ZFHX3: variants seen among roughly 807,000 people sequenced by gnomAD.
ZFHX3 encodes the protein zinc finger homeobox protein 3.
A neutral mutation model predicts 279.1 loss-of-function variants in ZFHX3; 42 were observed. That is an observed-to-expected ratio of 0.15 (90% CI 0.12 to 0.19). ZFHX3 has a LOEUF of 0.19. ZFHX3 is among the 10% of genes least tolerant of loss of function. ZFHX3 has a pLI of 1.00. For missense variants in ZFHX3, 4,981 were observed against 4,754.0 expected, an observed-to-expected ratio of 1.05 and a Z score of -1.40; for synonymous variants, 2,293 against 1,957.8, an observed-to-expected ratio of 1.17 and a Z score of -4.52.
At chr16:72,877,722 G>T (rs1474822222) in intron 4 of ZFHX3, among the ~76,000 whole-genome samples, 1 of 152,216 alleles carries the variant, frequency 6.6e-6, no homozygotes. Context: ...GCCCCAAAGA[G>T]CTATGTTGAT....
intron 2 of ZFHX3, chr16:73,610,212 A>C (rs1192795373): frequency 6.6e-6 from 1 of 151,972 alleles, no homozygotes; most frequent in African/African-American, 2.4e-5. Context: ...AGGAAAAAAA[A>C]ATAGCGATTC....
At chr16:73,420,054 GCACCA>G (rs1259792427) in intron 3 of ZFHX3, 1 of 151,844 alleles carries the variant, frequency 6.6e-6, no homozygotes, top group African/African-American at 2.4e-5. Flanking sequence ...CTAAAGGCAT[GCACCA>G]CTACTCCTGG....
At position 73,754,027 on chromosome 16, in the gene ZFHX3, T is replaced by C. The variant is rs556721994; in HGVS notation, c.-1607-73787A>G. 1.9e-4 allele frequency among the ~76,000 whole-genome samples: 23 copies of C among 124,258 alleles called. 1 individual carries two copies. In the South Asian group the frequency reaches 5.5e-3, roughly 30 times the overall value. The allele number at this position is 124,258 out of a possible 152,430, so 81.5% of individuals were successfully genotyped here. ...GTGTGTAAAATCTGATTCAATTTTA[T>C]ACTTTCTTGGACTGCCTCCCAAATG... On this transcript the variant is annotated intron_variant, in intron 1 of 17. Transcript: ENST00000641206.
chr16:73,664,085 A>AT (rs1298283026), intron 2 of ZFHX3, among the ~76,000 whole-genome samples: 1 of 152,346 alleles, frequency 6.6e-6, no homozygotes, highest in African/African-American at 2.4e-5. Flanking sequence ...AGGGAATGTC[A>AT]TTTTTAAAAA....
chr16:72,848,629 C>T (rs2037535435), intron 4 of ZFHX3, among the ~76,000 whole-genome samples: 2 of 151,114 alleles, frequency 1.3e-5, no homozygotes, highest in Non-Finnish European at 2.9e-5. Context: ...GCGGCCATCA[C>T]CCTGTGCCCC....
intron 3 of ZFHX3, among the ~76,000 whole-genome samples, chr16:73,410,150 T>A (rs1389117702): frequency 2.0e-5 from 3 of 152,186 alleles, no homozygotes; most frequent in African/African-American, 7.2e-5. Context: ...GCATGGTGGC[T>A]CACACCTGTA....
intron 2 of ZFHX3, among the ~76,000 whole-genome samples, chr16:73,662,619 A>C (rs538696716): frequency 6.6e-6 from 1 of 152,330 alleles, no homozygotes; most frequent in East Asian, 1.9e-4. Context: ...GAGAGATGCC[A>C]GATAAATTTG....
In ZFHX3 at chr16:73,055,717, C is replaced by CACACACACAT. The variant is rs1965539746; in HGVS notation, c.-24+2812_-24+2813insATGTGTGTGT. On this transcript the variant is annotated intron_variant, in intron 1 of 8. Coordinates refer to the ZFHX3 transcript ENST00000397992. ...GCGCGCGCACACACACACACACACA[C>CACACACACAT]ACACATACACACACACACACGTCAG... 2.1e-5 allele frequency among the ~76,000 whole-genome samples: 3 copies of CACACACACAT among 143,456 alleles called. No homozygotes were observed. In the South Asian group the frequency reaches 6.9e-4, roughly 33 times the overall value. 94.1% of individuals were successfully genotyped at this position (143,456 alleles called of 152,430 possible).
intron 1 of ZFHX3, among the ~76,000 whole-genome samples, chr16:73,690,970 A>G (rs187236950): frequency 7.0e-4 from 106 of 152,350 alleles, no homozygotes; most frequent in African/African-American, 2.4e-3. Flanking sequence ...TCATCAACAG[A>G]TAAGAGACAC....
intron 3 of ZFHX3, among the ~76,000 whole-genome samples, chr16:72,895,438 A>G (rs2038876147): frequency 6.6e-6 from 1 of 152,138 alleles, no homozygotes; most frequent in Non-Finnish European, 1.5e-5. Flanking sequence ...GTCTACCCAA[A>G]CTCACTTGGT....
intron 1 of ZFHX3, among the ~76,000 whole-genome samples, chr16:73,040,715 C>T (rs748573750): frequency 6.6e-6 from 1 of 152,094 alleles, no homozygotes; most frequent in Non-Finnish European, 1.5e-5. Context: ...TGGTAAGAAA[C>T]GAAAGGTAGC....
intron 5 of ZFHX3, among the ~76,000 whole-genome samples, chr16:73,248,354 T>G (rs111067775): frequency 0.18 from 27,235 of 151,334 alleles, 3,977 homozygotes; most frequent in East Asian, 0.46. Context: ...GTGTGTGTGG[T>G]TGTATACTGT....
chr16:72,807,737 G>A (rs1178438258), intron 7 of ZFHX3: 1 of 152,144 alleles, frequency 6.6e-6, no homozygotes, highest in Non-Finnish European at 1.5e-5. Context: ...AGAATTTACA[G>A]CTGTAAATAC....
At chr16:73,486,816 G>A (rs866343482) in intron 2 of ZFHX3, 1 of 455,884 alleles carries the variant, frequency 2.2e-6, no homozygotes, top group Admixed American at 2.3e-5. Flanking sequence ...AATGTACCGT[G>A]GTCCACTCTG....
chr16:72,860,940 A>G (rs545185995), intron 4 of ZFHX3, among the ~76,000 whole-genome samples: 14 of 152,316 alleles, frequency 9.2e-5, no homozygotes, highest in African/African-American at 2.4e-4. Context: ...TGTGTGCACA[A>G]CGGTGACTTT....
intron 1 of ZFHX3, among the ~76,000 whole-genome samples, chr16:73,776,063 T>C (rs1026978108): frequency 6.6e-6 from 1 of 152,080 alleles, no homozygotes; most frequent in Non-Finnish European, 1.5e-5. Context: ...CAAGAGAGGG[T>C]CATAAAACTG....
chr16:72,959,460 T>C lies in ZFHX3; in HGVS notation c.686A>G (p.His229Arg), dbSNP rs1372560742. 16 of 1,614,138 alleles carry C rather than the reference T, an allele frequency of 9.9e-6. No individual in the cohort carries two copies. The highest frequency in any genetic ancestry group is 1.3e-5 in the Non-Finnish European group (15 of 1,180,052). The part of the protein sequence containing the change: ...SALAGLSPVL[H>R]SFRVFDVRHK... ...TCGCACGTCAAACACGCGGAAGCTG[T>C]GCAGGACGGGGCTGAGCCCCGCCAG... The change falls in exon 2 of 10, where the codon CAC becomes CGC. Residue 229 changes from histidine (H) to arginine (R), a missense_variant. Physicochemically the swap from His to Arg is conservative, Grantham distance 29. Coordinates refer to ENST00000268489, the MANE Select transcript of ZFHX3 (RefSeq NM_006885.4).
chr16:73,424,941 G>A lies in ZFHX3; in HGVS notation c.-1291+31062C>T, dbSNP rs140866565. On this transcript the variant is annotated intron_variant, in intron 3 of 17. Coordinates refer to the ZFHX3 transcript ENST00000641206. The stretch of plus-strand genomic sequence containing the variant: ...TCACTGGGCTGGACTTTCTTATCTG[G>A]AGCTTTCTAAAGCAGGACATGCCCA... Among the ~76,000 whole-genome samples the A allele has an allele frequency of 1.1e-3, 174 of 152,030 alleles. 3 individuals are homozygous for A. Among genetic ancestry groups the A allele is most frequent in the Admixed American group, 9.0e-3 (137 of 15,250 alleles).
At chr16:73,592,155 C>G (rs558651587) in intron 2 of ZFHX3, among the ~76,000 whole-genome samples, 2 of 152,142 alleles carry the variant, frequency 1.3e-5, no homozygotes, top group Non-Finnish European at 2.9e-5. Flanking sequence ...ACTGCTTGAA[C>G]TCAGGAGGCG....
Sources: gnomAD v4.1 joint callset for allele counts (sites outside exome capture counted in the v4.1 genomes callset) on GRCh38, gnomAD v4.1.1 for gene constraint, MANE v1.5 for transcripts, NCBI Gene and HGNC (gene_info 2026-07-23, HGNC 2026-07-21) for gene names.